Variants in SORCS1 observed in about 807,000 individuals in gnomAD.
SORCS1 encodes sortilin related VPS10 domain containing receptor 1, also known as VPS10 domain-containing receptor SorCS1.
SORCS1 carries 60 observed loss-of-function variants against 146.1 expected under a neutral mutation model. The ratio of observed to expected loss-of-function variants is 0.41; its 90% CI spans 0.33 to 0.51. The LOEUF is 0.51. Ranked by LOEUF, SORCS1 falls within the 20% of genes least tolerant of loss-of-function variation. The pLI is 0.21. For synonymous variants in SORCS1, 637 were observed against 584.0 expected (o/e 1.09, Z -1.31); for missense variants, 1,352 against 1,487.6 (o/e 0.91, Z 1.50).
chr10:107,105,613 C>A (rs1965252863), intron 1 of SORCS1, among the ~76,000 whole-genome samples: 1 of 152,132 alleles, frequency 6.6e-6, no homozygotes. Context: ...CAGGATGCAC[C>A]CAGCATGGGA....
chr10:106,819,046 A>G (rs895880042), intron 3 of SORCS1, among the ~76,000 whole-genome samples: 1 of 152,222 alleles, frequency 6.6e-6, no homozygotes, highest in South Asian at 2.1e-4. Context: ...GGAACAAAAT[A>G]GGCATTTAAT....
At chr10:106,766,935 CTG>C (rs1859618012) in intron 4 of SORCS1, among the ~76,000 whole-genome samples, 1 of 152,122 alleles carries the variant, frequency 6.6e-6, no homozygotes, top group Admixed American at 6.6e-5. Context: ...ATGGGTCAGT[CTG>C]TGCAAATAAA....
At chr10:106,843,731 A>G (rs188700037) in intron 2 of SORCS1, among the ~76,000 whole-genome samples, 95 of 152,266 alleles carry the variant, frequency 6.2e-4, no homozygotes, top group Non-Finnish European at 1.2e-3. Context: ...CACTGCACCC[A>G]GACAAGATTT....
intron 5 of SORCS1, among the ~76,000 whole-genome samples, chr10:106,753,354 G>A (rs1408384229): frequency 6.6e-6 from 1 of 152,082 alleles, no homozygotes; most frequent in Non-Finnish European, 1.5e-5. Flanking sequence ...GAAGTCTTAG[G>A]GGTACTGTGC....
chr10:106,751,211 T>C (rs1858208545), intron 5 of SORCS1, among the ~76,000 whole-genome samples: 1 of 151,222 alleles, frequency 6.6e-6, no homozygotes, highest in Admixed American at 6.6e-5. Context: ...TATCTAGCAC[T>C]CCTAGTGCAG....
chr10:107,126,811 A>G (rs1294752893), intron 1 of SORCS1, among the ~76,000 whole-genome samples: 1 of 152,058 alleles, frequency 6.6e-6, no homozygotes, highest in Non-Finnish European at 1.5e-5. Context: ...GTATTAATGA[A>G]TCAGTTGCAA....
chr10:106,936,323 G>A (rs1030208409), intron 2 of SORCS1, among the ~76,000 whole-genome samples: 2 of 152,090 alleles, frequency 1.3e-5, no homozygotes, highest in African/African-American at 4.8e-5. Flanking sequence ...ATGGAATCCT[G>A]TTCCCAGAAA....
chr10:106,777,985 CAAGA>C (rs888554859), intron 3 of SORCS1, among the ~76,000 whole-genome samples: 3 of 152,072 alleles, frequency 2.0e-5, no homozygotes, highest in Non-Finnish European at 4.4e-5. Flanking sequence ...GCTGCACTTC[CAAGA>C]AAGAGAGAGA....
intron 1 of SORCS1, among the ~76,000 whole-genome samples, chr10:106,989,285 A>G (rs1956638129): frequency 7.3e-6 from 1 of 137,214 alleles, no homozygotes; most frequent in Non-Finnish European, 1.7e-5. Context: ...AAAAAAAAAA[A>G]AAAAAAAAAA....
At chr10:107,023,592 C>A (rs775090465) in intron 1 of SORCS1, among the ~76,000 whole-genome samples, 2 of 151,860 alleles carry the variant, frequency 1.3e-5, no homozygotes, top group Non-Finnish European at 2.9e-5. Flanking sequence ...AGATAGTACA[C>A]GATTACATAT....
intron 18 of SORCS1, among the ~76,000 whole-genome samples, chr10:106,647,005 GTGTA>G (rs1849491218): frequency 3.2e-5 from 1 of 31,398 alleles, no homozygotes; most frequent in Admixed American, 5.7e-4. Flanking sequence ...GTGTTTGTAT[GTGTA>G]TATATATATA....
chr10:107,050,823 AAAG>A (rs1290085916), intron 1 of SORCS1, among the ~76,000 whole-genome samples: 1 of 152,144 alleles, frequency 6.6e-6, no homozygotes, highest in Non-Finnish European at 1.5e-5. Context: ...CTACTATGTC[AAAG>A]AAGAGTGGGC....
At chr10:107,085,217 C>T (rs1002965059) in intron 1 of SORCS1, among the ~76,000 whole-genome samples, 1 of 152,212 alleles carries the variant, frequency 6.6e-6, no homozygotes, top group East Asian at 1.9e-4. Context: ...TTCCCTAAAT[C>T]ACTCTATCTC....
intron 19 of SORCS1, among the ~76,000 whole-genome samples, chr10:106,628,548 T>A (rs946516227): frequency 2.0e-5 from 3 of 152,240 alleles, no homozygotes; most frequent in African/African-American, 7.2e-5. Context: ...GAAGTTATTA[T>A]TGTCTCATCA....
chr10:107,068,397 T>C (rs1330261313), intron 1 of SORCS1, among the ~76,000 whole-genome samples: 2 of 152,134 alleles, frequency 1.3e-5, no homozygotes, highest in African/African-American at 4.8e-5. Context: ...TATTATGAAG[T>C]CACACATGCC....
At chr10:107,102,321 G>A (rs1173428624) in intron 1 of SORCS1, among the ~76,000 whole-genome samples, 1 of 152,170 alleles carries the variant, frequency 6.6e-6, no homozygotes, top group East Asian at 1.9e-4. Flanking sequence ...TGCAAGCCAA[G>A]CTGCATGGCT....
chr10:106,839,203 A>G (rs562093085), intron 2 of SORCS1, among the ~76,000 whole-genome samples: 2 of 152,340 alleles, frequency 1.3e-5, no homozygotes, highest in East Asian at 3.9e-4. Context: ...AAGGCAAGAC[A>G]GGGCAAAAGC....
At chr10:106,606,310 C>G (rs1015042701) in intron 23 of SORCS1, among the ~76,000 whole-genome samples, 2 of 106,120 alleles carry the variant, frequency 1.9e-5, no homozygotes, top group Non-Finnish European at 4.7e-5. Flanking sequence ...CACACACACA[C>G]ACACACACAC....
chr10:106,787,467 T>G (rs1030689618), intron 3 of SORCS1, among the ~76,000 whole-genome samples: 1 of 152,216 alleles, frequency 6.6e-6, no homozygotes, highest in Non-Finnish European at 1.5e-5. Flanking sequence ...TTTATTTTAT[T>G]ATTTTTTAAA....
Sources: allele counts gnomAD v4.1 joint callset (sites outside exome capture counted in the v4.1 genomes callset), GRCh38; gene constraint gnomAD v4.1.1; transcripts MANE v1.5; gene names NCBI Gene and HGNC (gene_info 2026-07-23, HGNC 2026-07-21).